GTF3C3: variants seen among roughly 807,000 people sequenced by gnomAD.
GTF3C3 encodes the protein general transcription factor IIIC subunit 3.
In GTF3C3, 75 loss-of-function variants were observed where a neutral mutation model predicts 105.2. The observed-to-expected ratio is 0.71, with a 90% CI of 0.59 to 0.86. The LOEUF is 0.86. Ranked by LOEUF, GTF3C3 falls within the 40% of genes least tolerant of loss-of-function variation. GTF3C3 has a pLI of 0.00. For missense variants in GTF3C3, 856 were observed against 1,076.5 expected, an observed-to-expected ratio of 0.80 and a Z score of 2.87; for synonymous variants, 335 against 370.4, an observed-to-expected ratio of 0.90 and a Z score of 1.10.
chr2:196,773,181 A>G, intron 13 of GTF3C3, 28 bp from the exon 14 acceptor site: 1 of 1,223,738 alleles, frequency 8.2e-7, no homozygotes, highest in East Asian at 2.3e-5. Flanking sequence ...AAAACCAGTT[A>G]GGACACTGTA....
chr2:196,780,671 T>C lies in GTF3C3; in HGVS notation c.1115-9A>G, dbSNP rs1699334310. 6.2e-7 allele frequency: 1 copy of C among 1,609,700 alleles called. No individual in the cohort carries two copies. Among genetic ancestry groups the C allele is most frequent in the Non-Finnish European group, 8.5e-7 (1 of 1,177,478 alleles). ...GGTAACATTCTCAGGAGCTGGAGAA[T>C]ACACAGACAAGAAGCAGTTACTATA... On this transcript the variant is annotated splice_polypyrimidine_tract_variant and intron_variant, in intron 8 of 17. Transcript: ENST00000263956.
intron 8 of GTF3C3, among the ~76,000 whole-genome samples, chr2:196,782,640 G>A (rs761465262): frequency 3.3e-5 from 5 of 151,932 alleles, no homozygotes; most frequent in Non-Finnish European, 5.9e-5. Context: ...AAAAAAATAG[G>A]TGTCACAATC....
intron 15 of GTF3C3, 102 bp downstream of exon 15, chr2:196,771,646 G>T: frequency 2.8e-6 from 2 of 706,316 alleles, no homozygotes; most frequent in South Asian, 3.8e-5. Context: ...AGAATAATTT[G>T]TCACAGTGAG....
At chr2:196,782,660 G>T (rs1484636768) in intron 8 of GTF3C3, among the ~76,000 whole-genome samples, 1 of 151,998 alleles carries the variant, frequency 6.6e-6, no homozygotes, top group Non-Finnish European at 1.5e-5. Context: ...CTCAATATGA[G>T]ACAATGTAGA....
At chr2:196,793,719 C>T (rs1026988124) in intron 2 of GTF3C3, among the ~76,000 whole-genome samples, 1 of 152,058 alleles carries the variant, frequency 6.6e-6, no homozygotes, top group Non-Finnish European at 1.5e-5. Context: ...GAATGCCTAG[C>T]ATATAGTAAA....
chr2:196,767,342 C>G (rs1321509749), intron 16 of GTF3C3, among the ~76,000 whole-genome samples: 1 of 152,190 alleles, frequency 6.6e-6, no homozygotes, highest in Non-Finnish European at 1.5e-5. Flanking sequence ...GTTTCTTTAC[C>G]TCTTCCCATA....
Position 196,799,650 on chromosome 2 carries a change from C to G in GTF3C3, c.-39G>C. ...GTCTGTGCAACCCCAGGAACCGGGA[C>G]AGAGAACCGGAAGAGCAGCGCCTTC... On this transcript the variant is annotated 5_prime_UTR_variant, in exon 1 of 18. Coordinates refer to ENST00000263956, the MANE Select transcript of GTF3C3 (RefSeq NM_012086.5). The G allele has an allele frequency of 1.4e-6, 2 of 1,449,918 alleles. No individual in the cohort carries two copies. The highest frequency in any genetic ancestry group is 4.6e-5 in the East Asian group (2 of 43,742). 89.8% of individuals were successfully genotyped at this position (1,449,918 alleles called of 1,614,324 possible).
At chr2:196,792,600 G>A (rs969028714) in intron 3 of GTF3C3, among the ~76,000 whole-genome samples, 1 of 152,104 alleles carries the variant, frequency 6.6e-6, no homozygotes, top group Non-Finnish European at 1.5e-5. Context: ...TGGTTTAAAT[G>A]AGCCACTTTG....
In GTF3C3 at chr2:196,789,219, G is replaced by A. The variant is rs781055565; in HGVS notation, c.878C>T (p.Ala293Val). The A allele has an allele frequency of 6.2e-6, 10 of 1,608,096 alleles. No homozygotes were observed. The Admixed American group carries it at 1.7e-4, about 27-fold the overall frequency. ...PSDGERFMQL[A>V]RDMAKSYYEA... The stretch of plus-strand genomic sequence containing the variant: ...CCAAACTTACTTTGCCATATCTCTA[G>A]CCAGCTGCATAAAACGTTCGCCATC... Residue 293 changes from alanine to valine, a missense_variant, in exon 6 of 18, where the codon GCT becomes GTT. By Grantham distance (64) the Ala-to-Val change is moderately conservative. Around this residue, in one of 3 missense-constraint regions of GTF3C3, gnomAD observed 605 missense variants for 833.6 expected, o/e 0.73. Coordinates refer to ENST00000263956, the MANE Select transcript of GTF3C3 (RefSeq NM_012086.5).
In GTF3C3 at chr2:196,786,393, C is replaced by G. The variant is rs1290744881; in HGVS notation, c.894-805G>C. 6.6e-6 allele frequency among the ~76,000 whole-genome samples: 1 copy of G among 152,170 alleles called. No homozygotes were observed. Among genetic ancestry groups the G allele is most frequent in the African/African-American group, 2.4e-5 (1 of 41,452 alleles). ...CCAGCAGTCTCCCAGTCCCCACTCTCAGTTGATGGCCTTGCTTGACATTTT... is the reference window on the plus strand; with the variant it reads ...CCAGCAGTCTCCCAGTCCCCACTCTGAGTTGATGGCCTTGCTTGACATTTT... On this transcript the variant is annotated intron_variant, in intron 6 of 17. Transcript: ENST00000263956. This position sits in a 1 kb window ranked among gnomAD's most constrained non-coding sequence, Gnocchi z 4.2.
chr2:196,792,626 T>A (rs1445410620), intron 3 of GTF3C3, among the ~76,000 whole-genome samples: 1 of 152,194 alleles, frequency 6.6e-6, no homozygotes, highest in Non-Finnish European at 1.5e-5. Flanking sequence ...ACTTTATTTA[T>A]TTATTGTGTT....
At chr2:196,780,975 A>G in intron 8 of GTF3C3, 1 of 184,660 alleles carries the variant, frequency 5.4e-6, no homozygotes, top group Non-Finnish European at 1.1e-5. Context: ...TTGAATTGAA[A>G]AGTCTCTTTT....
In GTF3C3 at chr2:196,772,981, T is replaced by C. The variant is rs1699200562; in HGVS notation, c.2004A>G (p.Leu668=). The change falls in exon 14 of 18, where the codon CTA becomes CTG. Residue 668 remains leucine, a synonymous_variant. Coordinates refer to ENST00000263956, the MANE Select transcript of GTF3C3 (RefSeq NM_012086.5). ...TTGCAGCAGACAGACCAAAGTATTC[T>C]AGTTCTTTGCGTTTTTGCCTGTCAT... ...FYDDRQKRKE[L]EYFGLSAAIL... is the part of the protein sequence containing the mutation. The C allele has an allele frequency of 1.2e-6, 2 of 1,611,898 alleles. No homozygotes were observed. The highest frequency in any genetic ancestry group is 2.2e-5 in the East Asian group (1 of 44,868).
chr2:196,798,991 G>GA (rs960780246), intron 1 of GTF3C3, among the ~76,000 whole-genome samples: 4 of 151,872 alleles, frequency 2.6e-5, no homozygotes, highest in African/African-American at 4.8e-5. Flanking sequence ...TAAGTATGGG[G>GA]AAAAAAAAGG....
rs772697096 is a variant in GTF3C3, at chr2:196,778,989, C to G, written c.1297G>C (p.Asp433His). ...AGTGCAGAATTATATTCACCAACATCCAGAAAAGCTTCAGCAACATCTAGG... is the reference window on the plus strand; with the variant it reads ...AGTGCAGAATTATATTCACCAACATGCAGAAAAGCTTCAGCAACATCTAGG... ...LYLDVAEAFL[D>H]VGEYNSALPL... Residue 433 changes from aspartate (D) to histidine (H), a missense_variant, in exon 10 of 18, where the codon GAT becomes CAT. Transcript: ENST00000263956. The G allele has an allele frequency of 3.7e-6, 6 of 1,613,648 alleles. No individual in the cohort carries two copies. The highest frequency in any genetic ancestry group is 5.1e-6 in the Non-Finnish European group (6 of 1,179,598).
chr2:196,785,036 C>T (rs1328052623), intron 7 of GTF3C3, 107 bp from the exon 8 acceptor site: 1 of 723,592 alleles, frequency 1.4e-6, no homozygotes, highest in East Asian at 2.6e-5. Flanking sequence ...TAAAGTTGGG[C>T]TATAAAAAGA....
At chr2:196,775,273 C>T in intron 12 of GTF3C3, 22 bp from the exon 13 acceptor site, 3 of 1,590,242 alleles carry the variant, frequency 1.9e-6, no homozygotes, top group Non-Finnish European at 2.6e-6. Flanking sequence ...ATGAAGATTT[C>T]AGATTCTTTA....
chr2:196,776,356 T>A lies in GTF3C3; in HGVS notation c.1593+71A>T. The A allele has an allele frequency of 7.9e-7, 1 of 1,260,250 alleles. No individual in the cohort carries two copies. Among genetic ancestry groups the A allele is most frequent in the Non-Finnish European group, 1.1e-6 (1 of 881,496 alleles). The allele number at this position is 1,260,250 out of a possible 1,614,324, so 78.1% of individuals were successfully genotyped here. On this transcript the variant is annotated intron_variant, in intron 11 of 17. Coordinates refer to ENST00000263956, the MANE Select transcript of GTF3C3 (RefSeq NM_012086.5). This position sits in a 1 kb window ranked among gnomAD's most constrained non-coding sequence, Gnocchi z 4.5. ...ATTTTGGATATAAGCTATAGAGACA[T>A]CCTTAATGGAGGAGAAAGTTCTAAA...
chr2:196,764,461 A>G lies in GTF3C3; in HGVS notation c.*102T>C, dbSNP rs1699023991. The G allele has an allele frequency of 1.9e-5, 20 of 1,050,022 alleles. No homozygotes were observed. Among genetic ancestry groups the G allele is most frequent in the Non-Finnish European group, 2.5e-5 (19 of 745,510 alleles). The allele number at this position is 1,050,022 out of a possible 1,614,324, so 65.0% of individuals were successfully genotyped here. A position where few individuals can be genotyped will look rare whatever the true frequency, so the allele number is the denominator to read the frequency against. On this transcript the variant is annotated 3_prime_UTR_variant, in exon 18 of 18. Transcript: ENST00000263956. ...TACACTGTTTGTTAGGTAATTCTGA[A>G]ATTGTCATTTCTATTTTGGAGTTAC...
Sources: gnomAD v4.1 joint callset for allele counts (sites outside exome capture counted in the v4.1 genomes callset) on GRCh38, gnomAD v4.1.1 for gene constraint, gnomAD v4.1.1 regional missense constraint, Gnocchi (gnomAD v3.1) non-coding constraint, MANE v1.5 for transcripts, NCBI Gene and HGNC (gene_info 2026-07-23, HGNC 2026-07-21) for gene names.